Variants in PTPRR observed in about 807,000 individuals in gnomAD.
PTPRR encodes the protein protein tyrosine phosphatase receptor type R.
In PTPRR, 38 loss-of-function variants were observed where a neutral mutation model predicts 77.2. That is an observed-to-expected ratio of 0.49 (90% CI 0.38 to 0.65). The LOEUF is 0.65. Ranked by LOEUF, PTPRR falls within the 30% of genes least tolerant of loss-of-function variation. The pLI, the probability that PTPRR is intolerant of heterozygous loss-of-function variation, is 0.00. For synonymous variants in PTPRR, 299 were observed against 283.1 expected, an observed-to-expected ratio of 1.06 and a Z score of -0.57; for missense variants, 744 against 799.2, an observed-to-expected ratio of 0.93 and a Z score of 0.83.
chr12:70,638,714 T>C lies in PTPRR; in HGVS notation c.*470A>G, dbSNP rs1360991394. The C allele has an allele frequency of 1.3e-5, 2 of 152,546 alleles. No homozygotes were observed. The highest frequency in any genetic ancestry group is 6.5e-5 in the Admixed American group (1 of 15,290). 9.4% of individuals were successfully genotyped at this position (152,546 alleles called of 1,614,324 possible). On this transcript the variant is annotated 3_prime_UTR_variant, in exon 14 of 14. Coordinates refer to ENST00000283228, the MANE Select transcript of PTPRR (RefSeq NM_002849.4). ...ACTTTAGCAGCAAGATTCTGGTAAC[T>C]GAGAAAGGTAATAGCACTTCAAAAC...
At chr12:70,684,030 C>T in intron 10 of PTPRR, 97 bp downstream of exon 10, 6 of 1,315,806 alleles carry the variant, frequency 4.6e-6, no homozygotes, top group East Asian at 2.4e-5. Context: ...TCAGAGTTTC[C>T]ATCTTAAATC....
At chr12:70,802,226 G>C (rs1565701984) in intron 2 of PTPRR, among the ~76,000 whole-genome samples, 1 of 152,102 alleles carries the variant, frequency 6.6e-6, no homozygotes, top group Non-Finnish European at 1.5e-5. Context: ...AGCAGCACCA[G>C]CTTAAAACAG....
chr12:70,713,565 CTT>C (rs35168919), intron 6 of PTPRR, among the ~76,000 whole-genome samples: 1 of 140,582 alleles, frequency 7.1e-6, no homozygotes, highest in Non-Finnish European at 1.5e-5. Context: ...TTGCTGCTGC[CTT>C]TTTTTTTTTT....
chr12:70,780,914 T>C (rs1045989634), intron 2 of PTPRR, among the ~76,000 whole-genome samples: 1 of 152,222 alleles, frequency 6.6e-6, no homozygotes, highest in African/African-American at 2.4e-5. Context: ...AAAGACCATA[T>C]AATCTGGTCT....
chr12:70,870,459 A>G (rs2137090490), intron 2 of PTPRR, among the ~76,000 whole-genome samples: 1 of 152,346 alleles, frequency 6.6e-6, no homozygotes, highest in Admixed American at 6.5e-5. Context: ...ATTTGCTATT[A>G]TCACAAGATT....
Position 70,662,526 on chromosome 12 carries a change from T to C in PTPRR, c.1577A>G (p.Asp526Gly). 1 of 1,610,840 alleles carries C rather than the reference T, an allele frequency of 6.2e-7. No individual in the cohort carries two copies. ...EVLVISVNEC[D>G]NYTIRNLVLK... ...GACAAGGTTTCGAATGGTGTAGTTATCACATTCATTTACACTGATAACCAG... is the reference window on the plus strand; with the variant it reads ...GACAAGGTTTCGAATGGTGTAGTTACCACATTCATTTACACTGATAACCAG... The change falls in exon 11 of 14, where the codon GAT becomes GGT. Residue 526 changes from aspartate to glycine, a missense_variant. This residue lies in a region of PTPRR where 170 missense variants were observed against 209.8 expected (regional missense o/e 0.81). Coordinates refer to ENST00000283228, the MANE Select transcript of PTPRR (RefSeq NM_002849.4).
chr12:70,887,664 A>G (rs1893263625), intron 2 of PTPRR, among the ~76,000 whole-genome samples: 1 of 152,190 alleles, frequency 6.6e-6, no homozygotes. Flanking sequence ...TAGGTAGAAC[A>G]GCAAGAGTAA....
intron 2 of PTPRR, among the ~76,000 whole-genome samples, chr12:70,814,633 G>A (rs960366573): frequency 2.0e-5 from 3 of 152,086 alleles, no homozygotes; most frequent in Non-Finnish European, 1.5e-5. Flanking sequence ...GAGGGGGCCG[G>A]CCCGGCTTTG....
intron 6 of PTPRR, among the ~76,000 whole-genome samples, chr12:70,737,335 C>T (rs1290447042): frequency 6.6e-6 from 1 of 152,038 alleles, no homozygotes; most frequent in Non-Finnish European, 1.5e-5. Context: ...AGAGCATCTT[C>T]TCAACACATC....
chr12:70,814,256 G>A (rs904501107), intron 2 of PTPRR, among the ~76,000 whole-genome samples: 2 of 152,138 alleles, frequency 1.3e-5, no homozygotes, highest in East Asian at 1.9e-4. Context: ...TGTCCTAATT[G>A]TCATCTGGGA....
intron 5 of PTPRR, among the ~76,000 whole-genome samples, chr12:70,752,824 C>T (rs553396794): frequency 7.2e-5 from 11 of 152,262 alleles, no homozygotes; most frequent in South Asian, 2.1e-4. Context: ...GGAAGAATCA[C>T]GTATATTAAA....
intron 1 of PTPRR, among the ~76,000 whole-genome samples, chr12:70,898,129 G>A (rs1035591181): frequency 6.6e-6 from 1 of 150,904 alleles, no homozygotes; most frequent in African/African-American, 2.4e-5. Context: ...TTGTGCACAT[G>A]TATCCTAAAA....
Position 70,754,237 on chromosome 12 carries a change from A to G in PTPRR, c.692T>C (p.Val231Ala). 1 of 1,613,752 alleles carries G rather than the reference A, an allele frequency of 6.2e-7. No homozygotes were observed. The highest frequency in any genetic ancestry group is 1.1e-5 in the South Asian group (1 of 91,072). ...AACAAAGATGCTGAGAAAAATGACA[A>G]CAGCATAAAATCCTTCTTTGCTCCA... Reference protein sequence around the residue: ...KIWSKEGFYAVVIFLSIFVII... With the variant: ...KIWSKEGFYAAVIFLSIFVII... The change falls in exon 5 of 14, where the codon GTT becomes GCT. Residue 231 changes from valine to alanine, a missense_variant. Transcript: ENST00000283228.
intron 2 of PTPRR, among the ~76,000 whole-genome samples, chr12:70,781,568 T>C (rs937586227): frequency 6.6e-6 from 1 of 152,222 alleles, no homozygotes; most frequent in African/African-American, 2.4e-5. Context: ...TCTGTACAAC[T>C]GCAGACTTTT....
chr12:70,839,797 G>T (rs140056669), intron 2 of PTPRR, among the ~76,000 whole-genome samples: 99 of 152,204 alleles, frequency 6.5e-4, no homozygotes, highest in Non-Finnish European at 1.0e-3. Context: ...TCCTCCTGTG[G>T]AGCCAGGATA....
chr12:70,917,513 G>T (rs1235848956), intron 1 of PTPRR, among the ~76,000 whole-genome samples: 1 of 152,084 alleles, frequency 6.6e-6, no homozygotes, highest in Non-Finnish European at 1.5e-5. Context: ...GCTGCCATGG[G>T]TAGAGTAGTG....
chr12:70,794,076 G>T (rs941331577), intron 2 of PTPRR, among the ~76,000 whole-genome samples: 1 of 152,166 alleles, frequency 6.6e-6, no homozygotes, highest in African/African-American at 2.4e-5. Flanking sequence ...GAAGAAATGA[G>T]GGAGAAGATG....
At chr12:70,698,383 T>C (rs550650369) in intron 7 of PTPRR, 34 bp from the exon 8 acceptor site, 3 of 1,558,010 alleles carry the variant, frequency 1.9e-6, no homozygotes, top group South Asian at 2.2e-5. Flanking sequence ...TTAGTGTATC[T>C]AATACTGCCA....
intron 2 of PTPRR, among the ~76,000 whole-genome samples, chr12:70,886,305 T>C (rs1160105558): frequency 2.0e-5 from 3 of 152,206 alleles, no homozygotes; most frequent in African/African-American, 7.2e-5. Flanking sequence ...GCAATGCTAG[T>C]CTGGCGATTA....
Sources: allele counts gnomAD v4.1 joint callset (sites outside exome capture counted in the v4.1 genomes callset), GRCh38; gene constraint gnomAD v4.1.1; regional missense constraint gnomAD v4.1.1; transcripts MANE v1.5; gene names NCBI Gene and HGNC (gene_info 2026-07-23, HGNC 2026-07-21).